Variants in PLEKHG4 observed in about 807,000 individuals in gnomAD.
PLEKHG4 encodes puratrophin-1.
Under a neutral mutation model 136.9 loss-of-function variants are expected in PLEKHG4, and 85 were observed. The observed-to-expected ratio is 0.62, with a 90% confidence interval of 0.52 to 0.74. PLEKHG4 has a LOEUF of 0.74. Among genes scored for constraint, PLEKHG4 ranks in the 30% least tolerant of loss-of-function variants. The pLI is 0.00. For missense variants in PLEKHG4, 1,317 were observed against 1,527.8 expected, an observed-to-expected ratio of 0.86 and a Z score of 2.30; for synonymous variants, 577 against 646.9, an observed-to-expected ratio of 0.89 and a Z score of 1.64.
chr16:67,283,906 G>A (rs557218704), intron 11 of PLEKHG4, among the ~76,000 whole-genome samples: 8 of 152,150 alleles, frequency 5.3e-5, no homozygotes, highest in African/African-American at 1.9e-4. Flanking sequence ...GGAGCAGGAC[G>A]AGCCACCAGA....
chr16:67,280,298 G>T lies in PLEKHG4; in HGVS notation c.254G>T (p.Gly85Val), dbSNP rs1438013519. 2 of 1,613,802 alleles carry T rather than the reference G, an allele frequency of 1.2e-6. No individual in the cohort carries two copies. Among genetic ancestry groups the T allele is most frequent in the Admixed American group, 3.3e-5 (2 of 60,034 alleles). ...AADESGDAQR[G>V]TVESSSVLSE... Reference sequence around the variant, plus strand: ...GATGAGTCGGGGGATGCCCAGAGGGGCACAGTAGAAAGCTCCTCAGTCCTG... The same window carrying T: ...GATGAGTCGGGGGATGCCCAGAGGGTCACAGTAGAAAGCTCCTCAGTCCTG... Residue 85 changes from glycine to valine, a missense_variant, in exon 2 of 22, where the codon GGC becomes GTC. By Grantham distance (109) the Gly-to-Val change is moderately radical. Transcript: ENST00000379344. The surrounding 1 kb of genome is among the most constrained non-coding windows in gnomAD (Gnocchi z 4.4).
intron 14 of PLEKHG4, among the ~76,000 whole-genome samples, chr16:67,285,826 G>C (rs2036444119): frequency 6.6e-6 from 1 of 152,296 alleles, no homozygotes; most frequent in South Asian, 2.1e-4. Context: ...CAGGACACCT[G>C]GTACAAGAGG....
chr16:67,288,741 C>T, intron 21 of PLEKHG4, 62 bp from the exon 22 acceptor site: 2 of 1,610,136 alleles, frequency 1.2e-6, no homozygotes, highest in Non-Finnish European at 1.7e-6. Context: ...GAGCCATTCC[C>T]CAGACACCTC....
chr16:67,287,662 G>A, intron 18 of PLEKHG4: 1 of 587,872 alleles, frequency 1.7e-6, no homozygotes, highest in Non-Finnish European at 3.1e-6. Context: ...CAAAGTGTTG[G>A]GATTACAGGC....
intron 19 of PLEKHG4, 24 bp downstream of exon 19, chr16:67,288,038 G>A (rs754265228): frequency 6.4e-7 from 1 of 1,564,874 alleles, no homozygotes; most frequent in Non-Finnish European, 8.8e-7. Context: ...TACAGGGTGT[G>A]GGGGTGGGAG....
In PLEKHG4 at chr16:67,287,059, G is replaced by A. The variant is rs1454779427; in HGVS notation, c.2985G>A (p.Trp995Ter). The change falls in exon 18 of 22, where the codon TGG becomes TGA. Residue 995 changes from tryptophan to a stop codon, truncating the protein, a stop_gained. Coordinates refer to ENST00000379344, the MANE Select transcript of PLEKHG4 (RefSeq NM_001129729.3). LOFTEE classifies it high-confidence loss of function. ...ACAGCAACCTGCGCTTCGAGATCTG[G>A]TTCCGCCGCCGCAAGGCCAGGGACA... ...CGNSNLRFEI[W>*]FRRRKARDTF... The A allele has an allele frequency of 1.2e-6, 2 of 1,613,318 alleles. No homozygotes were observed. The highest frequency in any genetic ancestry group is 1.6e-4 in the Middle Eastern group (1 of 6,084).
chr16:67,288,172 C>A lies in PLEKHG4; in HGVS notation c.3226C>A (p.Arg1076Ser). 2 of 1,613,682 alleles carry A rather than the reference C, an allele frequency of 1.2e-6. No homozygotes were observed. The highest frequency in any genetic ancestry group is 1.7e-6 in the Non-Finnish European group (2 of 1,179,692). The change falls in exon 20 of 22, where the codon CGC becomes AGC. Residue 1076 changes from arginine to serine, a missense_variant. Physicochemically the swap from Arg to Ser is moderately radical, Grantham distance 110. Coordinates refer to ENST00000379344, the MANE Select transcript of PLEKHG4 (RefSeq NM_001129729.3). ...TGACCCTCTCTCTTATGCAGAAGTT[C>A]GCTCTCGGGCGTCCATTGCCGTAGC... ...VNYVLKCREV[R>S]SRASIAVAPF...
In PLEKHG4 at chr16:67,280,019, A is replaced by G; in HGVS notation, c.-26A>G. On this transcript the variant is annotated 5_prime_UTR_variant, in exon 2 of 22. Coordinates refer to ENST00000379344, the MANE Select transcript of PLEKHG4 (RefSeq NM_001129729.3). This position sits in a 1 kb window ranked among gnomAD's most constrained non-coding sequence, Gnocchi z 4.4. The stretch of plus-strand genomic sequence containing the variant: ...ACCCAGCCCTCTCCCGCTGGCCCCG[A>G]GCAGGCCCACCTTTAGGAGGGCGTG... 6.2e-7 allele frequency: 1 copy of G among 1,609,100 alleles called. No individual in the cohort carries two copies. Among genetic ancestry groups the G allele is most frequent in the Non-Finnish European group, 8.5e-7 (1 of 1,177,452 alleles).
chr16:67,280,284 G>A lies in PLEKHG4; in HGVS notation c.240G>A (p.Gly80=). 3 of 1,613,834 alleles carry A rather than the reference G, an allele frequency of 1.9e-6. No individual in the cohort carries two copies. Among genetic ancestry groups the A allele is most frequent in the Non-Finnish European group, 1.7e-6 (2 of 1,180,008 alleles). ...FQLPPAADES[G]DAQRGTVESS... ...TACCCCCAGCTGCAGATGAGTCGGG[G>A]GATGCCCAGAGGGGCACAGTAGAAA... The change falls in exon 2 of 22, where the codon GGG becomes GGA. Residue 80 remains glycine (G), a synonymous_variant. Transcript: ENST00000379344. This position sits in a 1 kb window ranked among gnomAD's most constrained non-coding sequence, Gnocchi z 4.4.
chr16:67,281,293 G>A lies in PLEKHG4; in HGVS notation c.813+109G>A, dbSNP rs569359781. The A allele has an allele frequency of 3.4e-4, 290 of 851,506 alleles. 1 individual carries two copies. The highest frequency in any genetic ancestry group is 5.2e-4 in the Non-Finnish European group (268 of 515,156). 52.7% of individuals were successfully genotyped at this position (851,506 alleles called of 1,614,324 possible). ...GGCTGGAGTGCAGTGGCGCAATCTT[G>A]GCTCACTGCAAACTCTATCTCCCCG... On this transcript the variant is annotated intron_variant, in intron 5 of 21. Coordinates refer to ENST00000379344, the MANE Select transcript of PLEKHG4 (RefSeq NM_001129729.3).
At chr16:67,279,816 C>T (rs2036127791) in intron 1 of PLEKHG4, 60 bp from the exon 2 acceptor site, 1 of 559,334 alleles carries the variant, frequency 1.8e-6, no homozygotes, top group Non-Finnish European at 3.2e-6. Flanking sequence ...CAGAGGCCCA[C>T]GGGCGTCCGA....
chr16:67,288,294 G>C lies in PLEKHG4; in HGVS notation c.3348G>C (p.Leu1116=), dbSNP rs748030737. 2 of 1,612,978 alleles carry C rather than the reference G, an allele frequency of 1.2e-6. No homozygotes were observed. Among genetic ancestry groups the C allele is most frequent in the Non-Finnish European group, 1.7e-6 (2 of 1,179,980 alleles). Residue 1116 remains leucine, a synonymous_variant, in exon 20 of 22, where the codon CTG becomes CTC. Transcript: ENST00000379344. ...TTCTGGGGTCCCTCAACCTGCACCT[G>C]TACAGAGACCCAGCTCTTCTGGGTC... ...CSVLGSLNLH[L]YRDPALLGLR...
rs1294670348 is a variant in PLEKHG4 at position 67,287,008 on chromosome 16, C to T, written c.2934C>T (p.Asp978=). The T allele has an allele frequency of 6.2e-7, 1 of 1,613,394 alleles. No homozygotes were observed. Among genetic ancestry groups the T allele is most frequent in the Admixed American group, 1.7e-5 (1 of 60,030 alleles). ...FAYKRSFKMA[D]LGLTECCGNS... ...TCTCCCGCTGGCCACAGATGGCAGA[C>T]CTTGGTCTCACTGAGTGCTGTGGGA... Residue 978 remains aspartate, a synonymous_variant, in exon 18 of 22, where the codon GAC becomes GAT. Coordinates refer to ENST00000379344, the MANE Select transcript of PLEKHG4 (RefSeq NM_001129729.3).
chr16:67,289,023 C>G lies in PLEKHG4; in HGVS notation c.*215C>G. On this transcript the variant is annotated 3_prime_UTR_variant, in exon 22 of 22. Coordinates refer to ENST00000379344, the MANE Select transcript of PLEKHG4 (RefSeq NM_001129729.3). ...CTGGTTGTAGAGCCTGAATAGGCTC[C>G]TGGCCCCATGACCCCTTCTCCTGTC... 1 of 656,826 alleles carries G rather than the reference C, an allele frequency of 1.5e-6. No homozygotes were observed. The allele number at this position is 656,826 out of a possible 1,614,324, so 40.7% of individuals were successfully genotyped here. A position where few individuals can be genotyped will look rare whatever the true frequency, so the allele number is the denominator to read the frequency against.
Position 67,288,900 on chromosome 16 carries a change from C to T in PLEKHG4, c.*92C>T. 7.2e-7 allele frequency: 1 copy of T among 1,397,632 alleles called. No homozygotes were observed. The highest frequency in any genetic ancestry group is 1.0e-6 in the Non-Finnish European group (1 of 998,034). The allele number at this position is 1,397,632 out of a possible 1,614,324, so 86.6% of individuals were successfully genotyped here. A position where few individuals can be genotyped will look rare whatever the true frequency, so the allele number is the denominator to read the frequency against. The stretch of plus-strand genomic sequence containing the variant: ...TGCTGTGACCAGGGTGTGGCTGACA[C>T]CTGGGCTACCTCCAACCTACATGTG... On this transcript the variant is annotated 3_prime_UTR_variant, in exon 22 of 22. Transcript: ENST00000379344.
rs2142470871 is a variant in PLEKHG4, at chr16:67,286,289, A to G, written c.2458A>G (p.Met820Val). The G allele has an allele frequency of 6.2e-7, 1 of 1,613,376 alleles. No homozygotes were observed. The highest frequency in any genetic ancestry group is 1.3e-5 in the African/African-American group (1 of 74,974). The change falls in exon 15 of 22, where the codon ATG (methionine) becomes GTG (valine). Residue 820 changes from methionine to valine, a missense_variant. Transcript: ENST00000379344. Reference protein sequence around the residue: ...AFLRHRVQFGMYALYSKNKPR... With the variant: ...AFLRHRVQFGVYALYSKNKPR... ...GTCCTTGTAGAGGGTGCAGTTTGGG[A>G]TGTACGCGCTCTACAGCAAGAATAA...
chr16:67,287,793 T>C, intron 18 of PLEKHG4, 105 bp from the exon 19 acceptor site: 1 of 794,420 alleles, frequency 1.3e-6, no homozygotes, highest in Non-Finnish European at 2.3e-6. Context: ...GGACAGTTAA[T>C]GTGCTGGATG....
rs530766518 is a variant in PLEKHG4 at position 67,288,813 on chromosome 16, G to A, written c.*5G>A. The A allele has an allele frequency of 5.0e-5, 81 of 1,613,648 alleles. No homozygotes were observed. Among genetic ancestry groups the A allele is most frequent in the South Asian group, 7.7e-5 (7 of 90,948 alleles). ...GGCCTGGCCCTGCAGGTCTGAGCCC[G>A]GGACTGGACGAGCAGTAGATCCAGC... On this transcript the variant is annotated 3_prime_UTR_variant, in exon 22 of 22. Transcript: ENST00000379344.
Position 67,280,600 on chromosome 16 carries a change from G to C in PLEKHG4, c.499+57G>C, listed in dbSNP as rs2036166817. On this transcript the variant is annotated intron_variant, in intron 2 of 21. Transcript: ENST00000379344. This position sits in a 1 kb window ranked among gnomAD's most constrained non-coding sequence, Gnocchi z 4.4. Reference sequence around the variant, plus strand: ...AGGGAATGGGGATGCCTGGAGAGATGAGTGTCAAGACTTTGGAGGTCTCTG... The same window carrying C: ...AGGGAATGGGGATGCCTGGAGAGATCAGTGTCAAGACTTTGGAGGTCTCTG... 2 of 1,612,486 alleles carry C rather than the reference G, an allele frequency of 1.2e-6. No individual in the cohort carries two copies. The highest frequency in any genetic ancestry group is 8.5e-7 in the Non-Finnish European group (1 of 1,179,198).
Sources: allele counts gnomAD v4.1 joint callset (sites outside exome capture counted in the v4.1 genomes callset), GRCh38; gene constraint gnomAD v4.1.1; non-coding constraint Gnocchi (gnomAD v3.1); transcripts MANE v1.5; gene names NCBI Gene and HGNC (gene_info 2026-07-23, HGNC 2026-07-21).